The following PCGF6 variants were observed in gnomAD, a reference collection of about 807,000 sequenced individuals.
The protein encoded by PCGF6 is polycomb group ring finger 6.
In PCGF6, 24 loss-of-function variants were observed where a neutral mutation model predicts 45.5. That is an observed-to-expected ratio of 0.53 (90% confidence interval 0.38 to 0.74). The LOEUF (loss-of-function observed/expected upper bound fraction) is 0.74. Among genes scored for constraint, PCGF6 ranks in the 30% least tolerant of loss-of-function variants. The probability of loss-of-function intolerance (pLI) is 0.00; values close to 1 mark genes in which losing one functional copy is unlikely to be tolerated. For missense variants in PCGF6, 356 were observed against 443.2 expected (o/e 0.80, Z 1.77); for synonymous variants, 152 against 162.1 (o/e 0.94, Z 0.47).
rs367688783 is a variant in PCGF6, at chr10:103,338,961, C to T, written c.783-5009G>A. 3.9e-5 allele frequency among the ~76,000 whole-genome samples: 6 copies of T among 152,258 alleles called. No individual in the cohort carries two copies. The East Asian group carries it at 9.7e-4, about 25-fold the overall frequency. On this transcript the variant is annotated intron_variant, in intron 6 of 9. Coordinates refer to ENST00000369847, the MANE Select transcript of PCGF6 (RefSeq NM_001011663.2). ...ATTAGTGCAGAGGCTGAACCCACCT[C>T]AGTGTTTTTCCTCCTCCAAGTCAAG... is the stretch of plus-strand genomic sequence containing the variant.
intron 9 of PCGF6, among the ~76,000 whole-genome samples, chr10:103,309,844 G>A (rs994442048): frequency 7.2e-5 from 11 of 152,154 alleles, no homozygotes; most frequent in Non-Finnish European, 1.0e-4. Context: ...GGAGGCTGAG[G>A]TGGGAAGAGA....
At chr10:103,318,196 A>G (rs1379888193) in intron 8 of PCGF6, among the ~76,000 whole-genome samples, 1 of 151,312 alleles carries the variant, frequency 6.6e-6, no homozygotes, top group Non-Finnish European at 1.5e-5. Flanking sequence ...TAATCCCAGC[A>G]CTTTGGGAGG....
chr10:103,341,263 T>C (rs1232129037), intron 6 of PCGF6, among the ~76,000 whole-genome samples: 1 of 151,648 alleles, frequency 6.6e-6, no homozygotes, highest in East Asian at 2.0e-4. Context: ...ATTTTCTTTT[T>C]TATTTTTTTT....
intron 8 of PCGF6, among the ~76,000 whole-genome samples, chr10:103,324,808 A>G (rs996686389): frequency 2.7e-5 from 4 of 148,130 alleles, no homozygotes; most frequent in African/African-American, 1.0e-4. Flanking sequence ...TTACATAGCT[A>G]GAACAGGAGA....
chr10:103,314,953 A>C (rs1407573217), intron 8 of PCGF6, among the ~76,000 whole-genome samples: 1 of 81,866 alleles, frequency 1.2e-5, no homozygotes, highest in Non-Finnish European at 2.8e-5. Context: ...AGACTCTGTC[A>C]TAAAAAAAAA....
intron 8 of PCGF6, among the ~76,000 whole-genome samples, chr10:103,316,859 T>C (rs918060655): frequency 1.3e-5 from 2 of 152,226 alleles, no homozygotes; most frequent in South Asian, 4.1e-4. Flanking sequence ...AGAACCCGGG[T>C]TGGCATACTC....
chr10:103,333,663 T>G (rs1179959271), intron 7 of PCGF6, among the ~76,000 whole-genome samples: 1 of 152,160 alleles, frequency 6.6e-6, no homozygotes, highest in Non-Finnish European at 1.5e-5. Context: ...TATGCAAAAA[T>G]GCTTTGAGAC....
At chr10:103,305,163 G>A (rs1024917542) in intron 9 of PCGF6, among the ~76,000 whole-genome samples, 11 of 151,810 alleles carry the variant, frequency 7.2e-5, no homozygotes, top group Non-Finnish European at 1.6e-4. Context: ...CAGTATAAAC[G>A]AGGTCTTGCT....
chr10:103,309,895 T>C (rs1224528988), intron 9 of PCGF6, among the ~76,000 whole-genome samples: 2 of 152,012 alleles, frequency 1.3e-5, no homozygotes, highest in Non-Finnish European at 2.9e-5. Context: ...TGAGCCATGA[T>C]TGTGCCACTG....
intron 3 of PCGF6, among the ~76,000 whole-genome samples, chr10:103,348,077 C>T (rs1225832117): frequency 1.3e-5 from 2 of 152,014 alleles, no homozygotes. Context: ...GACAAATGGG[C>T]TTTACTAAAG....
At chr10:103,307,520 A>C (rs1368614428) in intron 9 of PCGF6, among the ~76,000 whole-genome samples, 7 of 152,290 alleles carry the variant, frequency 4.6e-5, no homozygotes. Flanking sequence ...GCTCTGTCGC[A>C]CAGGCTGGCA....
chr10:103,349,418 A>G (rs2093312316), intron 1 of PCGF6, among the ~76,000 whole-genome samples: 2 of 151,268 alleles, frequency 1.3e-5, no homozygotes, highest in South Asian at 2.1e-4. Flanking sequence ...CCTCCAACCC[A>G]TTAAAAGACT....
intron 6 of PCGF6, among the ~76,000 whole-genome samples, chr10:103,338,540 A>C (rs1240416087): frequency 1.5e-5 from 2 of 130,960 alleles, no homozygotes; most frequent in African/African-American, 2.6e-5. Flanking sequence ...GCGAGACTCC[A>C]TCTCAAAAAA....
chr10:103,314,166 T>A lies in PCGF6; in HGVS notation c.996+20A>T. 1 of 1,492,396 alleles carries A rather than the reference T, an allele frequency of 6.7e-7. No homozygotes were observed. The highest frequency in any genetic ancestry group is 9.2e-7 in the Non-Finnish European group (1 of 1,090,994). The allele number at this position is 1,492,396 out of a possible 1,614,324, so 92.4% of individuals were successfully genotyped here. ...CACTAAGTAACTTATCTGTTAGACA[T>A]GGGTATGTCTATAACCTACCTGCAT... On this transcript the variant is annotated intron_variant, in intron 9 of 9. Coordinates refer to ENST00000369847, the MANE Select transcript of PCGF6 (RefSeq NM_001011663.2).
chr10:103,348,818 G>T lies in PCGF6; in HGVS notation c.461-6C>A. 6.2e-7 allele frequency: 1 copy of T among 1,608,542 alleles called. No homozygotes were observed. The highest frequency in any genetic ancestry group is 8.5e-7 in the Non-Finnish European group (1 of 1,177,712). ...TACGATGCAGCTTTTACAAACTGTT[G>T]AAAAAGAATGTTGAAGTCAGGATGC... On this transcript the variant is annotated splice_region_variant and splice_polypyrimidine_tract_variant and intron_variant, in intron 2 of 9. Coordinates refer to ENST00000369847, the MANE Select transcript of PCGF6 (RefSeq NM_001011663.2).
At chr10:103,315,214 G>A (rs118037730) in intron 8 of PCGF6, among the ~76,000 whole-genome samples, 289 of 152,146 alleles carry the variant, frequency 1.9e-3, no homozygotes, top group Non-Finnish European at 3.6e-3. Flanking sequence ...CAGACAGGGT[G>A]TCACTCTGTC....
intron 5 of PCGF6, 77 bp from the exon 6 acceptor site, chr10:103,345,209 T>G: frequency 4.1e-6 from 4 of 983,828 alleles, no homozygotes; most frequent in African/African-American, 1.7e-5. Flanking sequence ...AATACACAAG[T>G]ATTATAATTA....
intron 8 of PCGF6, among the ~76,000 whole-genome samples, chr10:103,321,981 C>T (rs970114424): frequency 2.0e-5 from 3 of 151,480 alleles, no homozygotes; most frequent in Non-Finnish European, 4.4e-5. Context: ...CTGCAACCTC[C>T]GCTTCCTAGG....
chr10:103,331,750 T>C (rs1372718355), intron 7 of PCGF6, among the ~76,000 whole-genome samples: 1 of 152,216 alleles, frequency 6.6e-6, no homozygotes, highest in Non-Finnish European at 1.5e-5. Context: ...TTTTCCACTA[T>C]CTTGATCTGG....
Sources: gnomAD v4.1 joint callset for allele counts (sites outside exome capture counted in the v4.1 genomes callset) on GRCh38, gnomAD v4.1.1 for gene constraint, MANE v1.5 for transcripts, NCBI Gene and HGNC (gene_info 2026-07-23, HGNC 2026-07-21) for gene names.